The following EFCAB8 variants were observed in gnomAD, a reference collection of about 807,000 sequenced individuals.
EFCAB8 encodes the protein EF-hand calcium binding domain 8.
A neutral mutation model predicts 116.3 loss-of-function variants in EFCAB8; 100 were observed. That is an observed-to-expected ratio of 0.86 (90% CI 0.73 to 1.02). EFCAB8 has a LOEUF of 1.02. Among genes scored for constraint, EFCAB8 ranks in the 50% least tolerant of loss-of-function variants. The pLI is 0.00. For synonymous variants in EFCAB8, 558 were observed against 567.9 expected, an observed-to-expected ratio of 0.98 and a Z score of 0.25; for missense variants, 1,320 against 1,416.9, an observed-to-expected ratio of 0.93 and a Z score of 1.10.
intron 23 of EFCAB8, among the ~76,000 whole-genome samples, chr20:32,950,460 T>A (rs1326196154): frequency 1.3e-5 from 2 of 152,180 alleles, no homozygotes; most frequent in African/African-American, 2.4e-5. Context: ...AGGGACAGGT[T>A]TATTTTAAAT....
intron 22 of EFCAB8, among the ~76,000 whole-genome samples, chr20:32,939,143 CTTT>C (rs1988266474): frequency 2.3e-5 from 1 of 44,348 alleles, no homozygotes; most frequent in Non-Finnish European, 4.5e-5. Flanking sequence ...TTCTTTCTTT[CTTT>C]CTTTCTTTCT....
chr20:32,938,916 TTTTTC>T (rs958218303), intron 22 of EFCAB8, among the ~76,000 whole-genome samples: 5 of 149,248 alleles, frequency 3.4e-5, no homozygotes, highest in Admixed American at 6.6e-5. Context: ...TTCCCTTTTC[TTTTTC>T]TTTTCTTTTC....
intron 1 of EFCAB8, among the ~76,000 whole-genome samples, chr20:32,863,212 C>T (rs1178581510): frequency 6.6e-6 from 1 of 152,008 alleles, no homozygotes; most frequent in African/African-American, 2.4e-5. Context: ...GATTGGTGCT[C>T]CAAAGACCCT....
intron 5 of EFCAB8, among the ~76,000 whole-genome samples, chr20:32,883,828 C>T (rs1985469595): frequency 6.6e-6 from 1 of 152,040 alleles, no homozygotes; most frequent in Admixed American, 6.6e-5. Context: ...GTAGCTGGGA[C>T]TACAGGCGTG....
chr20:32,915,444 C>A (rs1419323901), intron 17 of EFCAB8, among the ~76,000 whole-genome samples: 2 of 152,182 alleles, frequency 1.3e-5, no homozygotes, highest in Non-Finnish European at 2.9e-5. Flanking sequence ...TTTCCGATAA[C>A]ATGTTTCTCA....
Position 32,961,356 on chromosome 20 carries a change from T to C in EFCAB8, c.3614T>C (p.Val1205Ala), listed in dbSNP as rs528161366. 4 of 1,471,378 alleles carry C rather than the reference T, an allele frequency of 2.7e-6. No homozygotes were observed. The highest frequency in any genetic ancestry group is 2.6e-5 in the Admixed American group (1 of 37,780). 91.1% of individuals were successfully genotyped at this position (1,471,378 alleles called of 1,614,324 possible). ...AASSPSSLLS[V>A]TASASRLLDS... Reference sequence around the variant, plus strand: ...TCCTCCCCATCTTCCTTGTTATCTGTCACTGCCTCAGCCTCCAGGCTGCTG... The same window carrying C: ...TCCTCCCCATCTTCCTTGTTATCTGCCACTGCCTCAGCCTCCAGGCTGCTG... The change falls in exon 27 of 27, where the codon GTC becomes GCC. Residue 1205 changes from valine to alanine, a missense_variant. Physicochemically the swap from Val to Ala is moderately conservative, Grantham distance 64. Coordinates refer to ENST00000400522, the MANE Select transcript of EFCAB8 (RefSeq NM_001143967.2).
chr20:32,925,792 C>T (rs1987646509), intron 20 of EFCAB8, among the ~76,000 whole-genome samples: 1 of 152,210 alleles, frequency 6.6e-6, no homozygotes, highest in African/African-American at 2.4e-5. Context: ...TCTGAAGGGA[C>T]CCACAGGGAG....
intron 1 of EFCAB8, among the ~76,000 whole-genome samples, chr20:32,861,478 G>A (rs187987175): frequency 1.5e-4 from 23 of 152,250 alleles, no homozygotes; most frequent in African/African-American, 5.1e-4. Context: ...TAGTGGAGAT[G>A]GGATTTCTCC....
At chr20:32,886,091 A>T (rs1169950715) in intron 6 of EFCAB8, among the ~76,000 whole-genome samples, 1 of 152,196 alleles carries the variant, frequency 6.6e-6, no homozygotes, top group Non-Finnish European at 1.5e-5. Flanking sequence ...TCTGGAGCCC[A>T]AATCCCAGGG....
rs545744245 is a variant in EFCAB8 at position 32,941,695 on chromosome 20, G to A, written c.2791-1941G>A. Among the ~76,000 whole-genome samples, 10 of 152,276 alleles carry A rather than the reference G, an allele frequency of 6.6e-5. No individual in the cohort carries two copies. The East Asian group carries it at 1.9e-3, about 29-fold the overall frequency. On this transcript the variant is annotated intron_variant, in intron 22 of 26. Transcript: ENST00000400522. ...TAAAGTAGATTAGTGGTTTCCTGAG[G>A]CTGGGGGAGGGAGTTGGGGAAATTG...
intron 11 of EFCAB8, 57 bp downstream of exon 11, chr20:32,898,680 G>A: frequency 2.8e-6 from 2 of 705,152 alleles, no homozygotes; most frequent in Non-Finnish European, 5.3e-6. Flanking sequence ...GGGGGGTGGT[G>A]AGTGGACCAT....
At chr20:32,910,142 G>A (rs750527524) in intron 15 of EFCAB8, among the ~76,000 whole-genome samples, 1 of 152,176 alleles carries the variant, frequency 6.6e-6, no homozygotes, top group Admixed American at 6.5e-5. Context: ...AGCTCCATCC[G>A]TTAGCCATGG....
intron 1 of EFCAB8, among the ~76,000 whole-genome samples, chr20:32,859,901 G>GT (rs1984015218): frequency 6.6e-6 from 1 of 152,102 alleles, no homozygotes; most frequent in Non-Finnish European, 1.5e-5. Context: ...CAGCATTTTT[G>GT]TTTTTTCCCA....
intron 22 of EFCAB8, among the ~76,000 whole-genome samples, chr20:32,934,901 A>G (rs1050160196): frequency 1.3e-5 from 2 of 152,196 alleles, no homozygotes; most frequent in Non-Finnish European, 2.9e-5. Flanking sequence ...CAGCATGAGA[A>G]CAGACCAATA....
At chr20:32,937,723 A>G (rs1988176535) in intron 22 of EFCAB8, among the ~76,000 whole-genome samples, 1 of 150,658 alleles carries the variant, frequency 6.6e-6, no homozygotes, top group South Asian at 2.1e-4. Flanking sequence ...GGTTCAAGTG[A>G]TTCTCCTGCC....
intron 1 of EFCAB8, among the ~76,000 whole-genome samples, chr20:32,859,540 C>A (rs1983996020): frequency 6.6e-6 from 1 of 152,074 alleles, no homozygotes; most frequent in Non-Finnish European, 1.5e-5. Flanking sequence ...ATACATAGAA[C>A]CACTTTCTCC....
intron 15 of EFCAB8, among the ~76,000 whole-genome samples, chr20:32,910,437 T>C (rs1203827493): frequency 1.3e-5 from 2 of 152,108 alleles, no homozygotes; most frequent in African/African-American, 4.8e-5. Flanking sequence ...GCTTCTGAGG[T>C]GTGAGGATAG....
At chr20:32,895,563 C>A in intron 9 of EFCAB8, among the ~76,000 whole-genome samples, 1 of 142,086 alleles carries the variant, frequency 7.0e-6, no homozygotes, top group South Asian at 2.2e-4. Flanking sequence ...TATCTTTTTT[C>A]TTTCTTTCTT....
Position 32,961,767 on chromosome 20 carries a change from T to C in EFCAB8, c.*158T>C, listed in dbSNP as rs569256133. 3.9e-5 allele frequency among the ~76,000 whole-genome samples: 6 copies of C among 152,234 alleles called. No individual in the cohort carries two copies. The highest frequency in any genetic ancestry group is 5.9e-5 in the Non-Finnish European group (4 of 68,034). ...GGGAAGTTCACCTGTCTCCTAATCTTGTCTTCTCTCTGGCCCCGCACAGAG... is the reference window on the plus strand; with the variant it reads ...GGGAAGTTCACCTGTCTCCTAATCTCGTCTTCTCTCTGGCCCCGCACAGAG... On this transcript the variant is annotated 3_prime_UTR_variant, in exon 27 of 27. Transcript: ENST00000400522.
Sources: gnomAD v4.1 joint callset for allele counts (sites outside exome capture counted in the v4.1 genomes callset) on GRCh38, gnomAD v4.1.1 for gene constraint, MANE v1.5 for transcripts, NCBI Gene and HGNC (gene_info 2026-07-23, HGNC 2026-07-21) for gene names.